HNF4A: variants seen among roughly 807,000 people sequenced by gnomAD.
HNF4A encodes hepatocyte nuclear factor 4-alpha.
A neutral mutation model predicts 52.4 loss-of-function variants in HNF4A; 15 were observed. The ratio of observed to expected loss-of-function variants is 0.29; its 90% CI spans 0.19 to 0.44. HNF4A has a LOEUF of 0.44. Ranked by LOEUF, HNF4A falls within the 20% of genes least tolerant of loss-of-function variation. The probability of loss-of-function intolerance (pLI) is 1.00; values close to 1 mark genes in which losing one functional copy is unlikely to be tolerated. For synonymous variants in HNF4A, 280 were observed against 264.4 expected (o/e 1.06, Z -0.57); for missense variants, 479 against 647.2 (o/e 0.74, Z 2.82).
chr20:44,404,864 CGCGTGTGTGTGACTGCTTG>C (rs2063468092), intron 1 of HNF4A, among the ~76,000 whole-genome samples: 2 of 2,034 alleles, frequency 9.8e-4, no homozygotes, highest in Non-Finnish European at 2.1e-3. Flanking sequence ...GGTGTGTGTG[CGCGTGTGTGTGACTGCTTG>C]GTGTGTGTGA....
intron 1 of HNF4A, among the ~76,000 whole-genome samples, chr20:44,381,906 C>T (rs866303960): frequency 1.3e-5 from 2 of 152,180 alleles, no homozygotes; most frequent in Admixed American, 6.5e-5. Context: ...CCACCGCACC[C>T]GGCAGGAAAG....
chr20:44,368,774 G>C (rs1032316757), intron 1 of HNF4A, among the ~76,000 whole-genome samples: 1 of 152,220 alleles, frequency 6.6e-6, no homozygotes, highest in East Asian at 1.9e-4. Flanking sequence ...GACAAAGTCA[G>C]CTGTGAGTAA....
intron 1 of HNF4A, among the ~76,000 whole-genome samples, chr20:44,388,121 C>T (rs1243797589): frequency 6.6e-6 from 1 of 151,260 alleles, no homozygotes; most frequent in Non-Finnish European, 1.5e-5. Flanking sequence ...CAGAGTCTCA[C>T]TCTATCACCC....
chr20:44,379,694 GGCAT>G (rs2063129140), intron 1 of HNF4A, among the ~76,000 whole-genome samples: 1 of 151,456 alleles, frequency 6.6e-6, no homozygotes, highest in Admixed American at 6.6e-5. Context: ...TGAGATTACA[GGCAT>G]GTGCCATCAC....
intron 1 of HNF4A, chr20:44,402,477 C>A: frequency 9.7e-7 from 1 of 1,030,026 alleles, no homozygotes. Flanking sequence ...ACTGCACAGA[C>A]CCAAATGCAG....
At chr20:44,422,919 T>TC (rs958981578) in intron 7 of HNF4A, among the ~76,000 whole-genome samples, 2 of 151,536 alleles carry the variant, frequency 1.3e-5, no homozygotes, top group East Asian at 2.0e-4. Flanking sequence ...CCTCAAGTGA[T>TC]CCCCCCGCCT....
intron 1 of HNF4A, among the ~76,000 whole-genome samples, chr20:44,390,842 A>C (rs1004317217): frequency 4.6e-5 from 7 of 152,156 alleles, no homozygotes; most frequent in Non-Finnish European, 1.0e-4. Context: ...ATGACGTTCC[A>C]ATCAGAGAAG....
chr20:44,389,065 CCTT>C (rs2063270205), intron 1 of HNF4A, among the ~76,000 whole-genome samples: 1 of 152,186 alleles, frequency 6.6e-6, no homozygotes, highest in Middle Eastern at 3.2e-3. Context: ...TCCTCAGAGT[CCTT>C]CTCTCAAGTT....
In HNF4A at chr20:44,429,754, G is replaced by A. The variant is rs1198520983; in HGVS notation, c.*89G>A. ...TCACGTGGTCACGGCAAAGGAAGAC[G>A]TGATGCCAGGACCAGTCCCAGAGCA... On this transcript the variant is annotated 3_prime_UTR_variant, in exon 10 of 10. Coordinates refer to ENST00000316099, the MANE Select transcript of HNF4A (RefSeq NM_000457.6). 8 of 1,345,442 alleles carry A rather than the reference G, an allele frequency of 5.9e-6. No homozygotes were observed. The highest frequency in any genetic ancestry group is 4.6e-5 in the East Asian group (2 of 43,566). 83.3% of individuals were successfully genotyped at this position (1,345,442 alleles called of 1,614,324 possible).
chr20:44,391,880 A>G (rs939987117), intron 1 of HNF4A: 9 of 152,270 alleles, frequency 5.9e-5, no homozygotes, highest in Non-Finnish European at 1.2e-4. Flanking sequence ...GACAGCTGGA[A>G]GCAAGACTTC....
Position 44,428,463 on chromosome 20 carries a change from T to A in HNF4A, c.1258T>A (p.Trp420Arg). 6.2e-7 allele frequency: 1 copy of A among 1,614,084 alleles called. No individual in the cohort carries two copies. Among genetic ancestry groups the A allele is most frequent in the South Asian group, 1.1e-5 (1 of 91,070 alleles). Reference sequence around the variant, plus strand: ...CCTCAGCAACGGACAGATGTGTGAGTGGCCCCGACCCAGGGGACAGGCAGG... The same window carrying A: ...CCTCAGCAACGGACAGATGTGTGAGAGGCCCCGACCCAGGGGACAGGCAGG... The change falls in exon 9 of 10, where the codon TGG (tryptophan) becomes AGG (arginine). Residue 420 changes from tryptophan (W) to arginine (R), a missense_variant. Trp to Arg is a moderately radical substitution (Grantham distance 101). Around this residue, in one of 3 missense-constraint regions of HNF4A, gnomAD observed 389 missense variants for 525.1 expected, o/e 0.74. Coordinates refer to ENST00000316099, the MANE Select transcript of HNF4A (RefSeq NM_000457.6).
At chr20:44,402,856 A>C (rs1341442897) in intron 1 of HNF4A, among the ~76,000 whole-genome samples, 1 of 152,198 alleles carries the variant, frequency 6.6e-6, no homozygotes, top group Non-Finnish European at 1.5e-5. Context: ...GTGAGGAGGC[A>C]GCTGCTGGGC....
In HNF4A at chr20:44,429,925, C is replaced by T. The variant is rs2063858832; in HGVS notation, c.*260C>T. The T allele has an allele frequency of 9.8e-6, 5 of 509,996 alleles. No homozygotes were observed. In the South Asian group the frequency reaches 1.0e-4, roughly 10 times the overall value. The allele number at this position is 509,996 out of a possible 1,614,324, so 31.6% of individuals were successfully genotyped here. On this transcript the variant is annotated 3_prime_UTR_variant, in exon 10 of 10. Transcript: ENST00000316099. ...ACTTTTCTCATGTTGAAGCCACTGC[C>T]TTCACCTTCACCTTCATCCATGTCC...
chr20:44,419,669 A>G (rs990201626), intron 6 of HNF4A, 52 bp from the exon 7 acceptor site: 2 of 1,584,962 alleles, frequency 1.3e-6, no homozygotes, highest in African/African-American at 1.3e-5. Flanking sequence ...ACTAGAGGAG[A>G]GGGGTCAACC....
At position 44,430,030 on chromosome 20, in the gene HNF4A, G is replaced by A. The variant is rs745994702; in HGVS notation, c.*365G>A. 1.2e-5 allele frequency: 3 copies of A among 249,294 alleles called. No homozygotes were observed. Among genetic ancestry groups the A allele is most frequent in the Admixed American group, 5.2e-5 (1 of 19,278 alleles). The allele number at this position is 249,294 out of a possible 1,614,324, so 15.4% of individuals were successfully genotyped here. A position where few individuals can be genotyped will look rare whatever the true frequency, so the allele number is the denominator to read the frequency against. ...TTAAACCCAGCTCCCTTCTTCCCTA[G>A]CCTGGTGCTTCTCCTCTCCTAGCCC... On this transcript the variant is annotated 3_prime_UTR_variant, in exon 10 of 10. Transcript: ENST00000316099.
intron 1 of HNF4A, among the ~76,000 whole-genome samples, chr20:44,379,131 TC>T (rs1419082089): frequency 6.6e-6 from 1 of 152,132 alleles, no homozygotes; most frequent in Non-Finnish European, 1.5e-5. Context: ...AGAATTTCCA[TC>T]CTTTTTAAGG....
chr20:44,399,966 C>G (rs1051375998), upstream of HNF4A, among the ~76,000 whole-genome samples: 2 of 152,194 alleles, frequency 1.3e-5, no homozygotes, highest in Non-Finnish European at 2.9e-5. Flanking sequence ...TTTTCTTCCT[C>G]TGCCCTCACT....
At chr20:44,358,448 A>G (rs1292483057) in intron 1 of HNF4A, among the ~76,000 whole-genome samples, 1 of 152,012 alleles carries the variant, frequency 6.6e-6, no homozygotes, top group Non-Finnish European at 1.5e-5. Context: ...CGTCTCTACT[A>G]AAAATACAAA....
chr20:44,371,084 T>A (rs1308624522), intron 1 of HNF4A, among the ~76,000 whole-genome samples: 1 of 152,182 alleles, frequency 6.6e-6, no homozygotes, highest in Non-Finnish European at 1.5e-5. Context: ...GAGGGAGGCC[T>A]GGGTGCTCCC....
Sources: gnomAD v4.1 joint callset for allele counts (sites outside exome capture counted in the v4.1 genomes callset) on GRCh38, gnomAD v4.1.1 for gene constraint, gnomAD v4.1.1 regional missense constraint, MANE v1.5 for transcripts, NCBI Gene and HGNC (gene_info 2026-07-23, HGNC 2026-07-21) for gene names.